Variants in GOLM2 observed in about 807,000 individuals in gnomAD.
The protein encoded by GOLM2 is protein GOLM2.
In GOLM2, 26 loss-of-function variants were observed where a neutral mutation model predicts 55.9. The observed-to-expected ratio is 0.47, with a 90% confidence interval of 0.34 to 0.65. The LOEUF (loss-of-function observed/expected upper bound fraction) is 0.65. Among genes scored for constraint, GOLM2 ranks in the 30% least tolerant of loss-of-function variants. The pLI is 0.01. For synonymous variants in GOLM2, 165 were observed against 194.6 expected, an observed-to-expected ratio of 0.85 and a Z score of 1.27; for missense variants, 486 against 531.8, an observed-to-expected ratio of 0.91 and a Z score of 0.85.
At chr15:44,393,098 A>G (rs1055562718) in intron 8 of GOLM2, among the ~76,000 whole-genome samples, 1 of 152,196 alleles carries the variant, frequency 6.6e-6, no homozygotes. Flanking sequence ...TGATAAGCTG[A>G]TATTATTTGT....
chr15:44,330,375 C>T (rs1225213488), intron 3 of GOLM2, among the ~76,000 whole-genome samples: 1 of 150,914 alleles, frequency 6.6e-6, no homozygotes. Context: ...TTAGCTGGGC[C>T]TGATGGTGCA....
At position 44,292,184 on chromosome 15, in the gene GOLM2, CAT is replaced by C. The variant is rs959343338; in HGVS notation, c.327+2845_327+2846del. 1.1e-3 allele frequency among the ~76,000 whole-genome samples: 163 copies of C among 144,640 alleles called. 1 individual carries two copies. The highest frequency in any genetic ancestry group is 2.2e-3 in the Admixed American group (32 of 14,542). 94.9% of individuals were successfully genotyped at this position (144,640 alleles called of 152,430 possible). ...CTGTGTGTGTATATGTGTATACATA[CAT>C]ATATATATATATATATTTTTTTTTT... is the stretch of plus-strand genomic sequence containing the variant. On this transcript the variant is annotated intron_variant, in intron 1 of 9. Transcript: ENST00000299957.
chr15:44,413,166 A>G (rs371344358), intron 9 of GOLM2, among the ~76,000 whole-genome samples, 170 bp from the exon 10 acceptor site: 4 of 152,264 alleles, frequency 2.6e-5, no homozygotes, highest in African/African-American at 7.2e-5. Flanking sequence ...AAATAGTTCC[A>G]CATACTTTTC....
Position 44,342,106 on chromosome 15 carries a change from A to G in GOLM2, c.802+3789A>G, listed in dbSNP as rs554288977. On this transcript the variant is annotated intron_variant, in intron 6 of 9. Transcript: ENST00000299957. ...TGCCATATGCAACTTACATGGTTGC[A>G]GCACTATAATTTGGAACTGGGAAAA... is the stretch of plus-strand genomic sequence containing the variant. Among the ~76,000 whole-genome samples the G allele has an allele frequency of 3.9e-5, 6 of 152,310 alleles. No homozygotes were observed. The South Asian group carries it at 1.2e-3, about 32-fold the overall frequency.
Position 44,298,892 on chromosome 15 carries a change from G to A in GOLM2, c.327+9536G>A, listed in dbSNP as rs560319827. Among the ~76,000 whole-genome samples the A allele has an allele frequency of 5.3e-5, 8 of 152,246 alleles. No homozygotes were observed. In the South Asian group the frequency reaches 1.2e-3, roughly 24 times the overall value. Reference sequence around the variant, plus strand: ...GTTAAAATGAGGTCATACTGGATTAGGGTGGCCCCTATTCCATTATAACTG... The same window carrying A: ...GTTAAAATGAGGTCATACTGGATTAAGGTGGCCCCTATTCCATTATAACTG... On this transcript the variant is annotated intron_variant, in intron 1 of 9. Coordinates refer to ENST00000299957, the MANE Select transcript of GOLM2 (RefSeq NM_138423.4).
Position 44,402,979 on chromosome 15 carries a change from T to C in GOLM2, c.1165T>C (p.Tyr389His). The C allele has an allele frequency of 6.2e-7, 1 of 1,613,682 alleles. No individual in the cohort carries two copies. Among genetic ancestry groups the C allele is most frequent in the Non-Finnish European group, 8.5e-7 (1 of 1,179,932 alleles). The change falls in exon 9 of 10, where the codon TAT (tyrosine) becomes CAT (histidine). Residue 389 changes from tyrosine (Y) to histidine (H), a missense_variant. Physicochemically the swap from Tyr to His is moderately conservative, Grantham distance 83. Coordinates refer to ENST00000299957, the MANE Select transcript of GOLM2 (RefSeq NM_138423.4). ...YNGDDGNVGE[Y>H]EADKQAELAY... is the part of the protein sequence containing the mutation. ...TGGGGATGATGGTAACGTAGGTGAG[T>C]ATGAGGCAGACAAGCAGGCTGAGCT... is the stretch of plus-strand genomic sequence containing the variant.
chr15:44,352,861 G>A (rs925043167), intron 6 of GOLM2, among the ~76,000 whole-genome samples: 10 of 150,876 alleles, frequency 6.6e-5, no homozygotes, highest in South Asian at 2.1e-4. Flanking sequence ...AGCCCAGATC[G>A]CGCCATTTTA....
chr15:44,290,301 G>A (rs1265839673), intron 1 of GOLM2, among the ~76,000 whole-genome samples: 1 of 152,218 alleles, frequency 6.6e-6, no homozygotes, highest in African/African-American at 2.4e-5. Context: ...GGGCAGGATA[G>A]TAGATGCCTT....
At chr15:44,340,200 C>G (rs2079082026) in intron 6 of GOLM2, among the ~76,000 whole-genome samples, 1 of 151,894 alleles carries the variant, frequency 6.6e-6, no homozygotes, top group African/African-American at 2.4e-5. Flanking sequence ...CTTACGTGAT[C>G]CTCCCAAAGT....
At chr15:44,335,084 A>T (rs938399927) in intron 4 of GOLM2, among the ~76,000 whole-genome samples, 3 of 152,186 alleles carry the variant, frequency 2.0e-5, no homozygotes, top group African/African-American at 7.2e-5. Context: ...CCTGAATTGG[A>T]TCCTGAAACA....
chr15:44,341,544 T>C (rs2079090604), intron 6 of GOLM2, among the ~76,000 whole-genome samples: 1 of 152,184 alleles, frequency 6.6e-6, no homozygotes, highest in Non-Finnish European at 1.5e-5. Context: ...AGATCTTGTC[T>C]TGACCATTAT....
At chr15:44,366,050 C>A (rs2141178642) in intron 6 of GOLM2, among the ~76,000 whole-genome samples, 1 of 152,252 alleles carries the variant, frequency 6.6e-6, no homozygotes, top group South Asian at 2.1e-4. Flanking sequence ...GTAATCCCAG[C>A]ACTTTGGGAG....
intron 8 of GOLM2, 144 bp from the exon 9 acceptor site, chr15:44,402,743 T>C: frequency 1.6e-6 from 1 of 623,712 alleles, no homozygotes; most frequent in South Asian, 2.3e-5. Flanking sequence ...TTGTCTTGGA[T>C]AACCTTCACA....
intron 3 of GOLM2, among the ~76,000 whole-genome samples, chr15:44,330,062 C>A (rs1307814327): frequency 6.6e-6 from 1 of 151,136 alleles, no homozygotes; most frequent in Non-Finnish European, 1.5e-5. Context: ...AGGTGCCCGC[C>A]ACCACGCCCG....
At chr15:44,312,496 A>G (rs2078881128) in intron 1 of GOLM2, among the ~76,000 whole-genome samples, 1 of 152,132 alleles carries the variant, frequency 6.6e-6, no homozygotes, top group African/African-American at 2.4e-5. Flanking sequence ...CTCTTTGTTA[A>G]AATAAAAGAA....
At chr15:44,366,864 G>C (rs2079289605) in intron 6 of GOLM2, among the ~76,000 whole-genome samples, 1 of 151,264 alleles carries the variant, frequency 6.6e-6, no homozygotes, top group Non-Finnish European at 1.5e-5. Context: ...CCCTGTCAAA[G>C]AAAAAAACAA....
At chr15:44,332,137 G>A (rs1422761142) in intron 4 of GOLM2, 59 bp downstream of exon 4, 1 of 898,806 alleles carries the variant, frequency 1.1e-6, no homozygotes, top group Non-Finnish European at 1.7e-6. Flanking sequence ...TGGTAATTTA[G>A]AAATTAAAAT....
intron 3 of GOLM2, among the ~76,000 whole-genome samples, chr15:44,329,831 G>A (rs1362492555): frequency 1.3e-5 from 2 of 151,706 alleles, no homozygotes; most frequent in Non-Finnish European, 1.5e-5. Flanking sequence ...GAGTCCAGGA[G>A]ATTGAGGCTG....
In GOLM2 at chr15:44,323,008, A is replaced by G. The variant is rs745651669; in HGVS notation, c.371A>G (p.His124Arg). 2.5e-6 allele frequency: 4 copies of G among 1,578,996 alleles called. No individual in the cohort carries two copies. Among genetic ancestry groups the G allele is most frequent in the East Asian group, 2.3e-5 (1 of 43,082 alleles). The change falls in exon 2 of 10, where the codon CAT becomes CGT. Residue 124 changes from histidine to arginine, a missense_variant. Coordinates refer to ENST00000299957, the MANE Select transcript of GOLM2 (RefSeq NM_138423.4). The stretch of plus-strand genomic sequence containing the variant: ...ATATCGTATCAGATGGCAGACATAC[A>G]TCATTTAAAGGGTAAGAACCTTAAT... ...NNISYQMADIHHLKEQLAELR... is the reference protein window; with the variant it reads ...NNISYQMADIRHLKEQLAELR...
Sources: allele counts gnomAD v4.1 joint callset (sites outside exome capture counted in the v4.1 genomes callset), GRCh38; gene constraint gnomAD v4.1.1; transcripts MANE v1.5; gene names NCBI Gene and HGNC (gene_info 2026-07-23, HGNC 2026-07-21).